Variants in C1orf21 observed in about 807,000 individuals in gnomAD.
C1orf21 encodes the protein uncharacterized protein C1orf21.
In C1orf21, 3 loss-of-function variants were observed where a neutral mutation model predicts 18.7. The ratio of observed to expected loss-of-function variants is 0.16; its 90% CI spans 0.07 to 0.42. The LOEUF (loss-of-function observed/expected upper bound fraction) is 0.42. Among genes scored for constraint, C1orf21 ranks in the 10% least tolerant of loss-of-function variants. C1orf21 has a pLI of 0.99. For missense variants in C1orf21, 104 were observed against 143.6 expected (o/e 0.72, Z 1.41); for synonymous variants, 41 against 46.4 (o/e 0.88, Z 0.47).
chr1:184,485,641 CAG>C (rs916028091), intron 2 of C1orf21, among the ~76,000 whole-genome samples: 2 of 151,916 alleles, frequency 1.3e-5, no homozygotes, highest in South Asian at 2.1e-4. Context: ...TTTTGTGTGT[CAG>C]GGGGTGATTT....
intron 2 of C1orf21, among the ~76,000 whole-genome samples, chr1:184,490,376 T>C (rs1183490148): frequency 6.6e-6 from 1 of 152,140 alleles, no homozygotes; most frequent in Non-Finnish European, 1.5e-5. Context: ...GGAAGACTTG[T>C]AAAGAGGATG....
rs1659959679 is a variant in C1orf21, at chr1:184,623,626, A to C, written c.*4070A>C. The C allele has an allele frequency of 6.6e-6, 1 of 152,464 alleles. No individual in the cohort carries two copies. The highest frequency in any genetic ancestry group is 2.4e-5 in the African/African-American group (1 of 41,436). 9.4% of individuals were successfully genotyped at this position (152,464 alleles called of 1,614,324 possible). ...ATGCCTGGACTCCAGTGTGCCTGTG[A>C]GGGGCTGGGTTAGGCAGTCGGCTGT... On this transcript the variant is annotated 3_prime_UTR_variant, in exon 6 of 6. Transcript: ENST00000235307.
chr1:184,623,913 C>T lies in C1orf21; in HGVS notation c.*4357C>T, dbSNP rs1659964406. The T allele has an allele frequency of 6.6e-6, 1 of 152,588 alleles. No homozygotes were observed. The highest frequency in any genetic ancestry group is 1.5e-5 in the Non-Finnish European group (1 of 68,044). 9.5% of individuals were successfully genotyped at this position (152,588 alleles called of 1,614,324 possible). A position where few individuals can be genotyped will look rare whatever the true frequency, so the allele number is the denominator to read the frequency against. On this transcript the variant is annotated 3_prime_UTR_variant, in exon 6 of 6. Transcript: ENST00000235307. ...GAGACTCTTGTACCTTATCTGGAAT[C>T]TAATCTTGGGAGAAGAGGAAAAAGG... is the stretch of plus-strand genomic sequence containing the variant.
intron 1 of C1orf21, among the ~76,000 whole-genome samples, chr1:184,442,390 A>G (rs940206545): frequency 2.6e-5 from 4 of 152,162 alleles, no homozygotes; most frequent in Non-Finnish European, 5.9e-5. Context: ...TATCTGCACA[A>G]TGCGGATAAT....
At chr1:184,581,806 A>G (rs1659280956) in intron 3 of C1orf21, among the ~76,000 whole-genome samples, 1 of 152,228 alleles carries the variant, frequency 6.6e-6, no homozygotes, top group African/African-American at 2.4e-5. Flanking sequence ...GAAAAATGTT[A>G]GGTGCTTTAA....
At chr1:184,610,092 G>A (rs773252585) in intron 5 of C1orf21, among the ~76,000 whole-genome samples, 4 of 152,172 alleles carry the variant, frequency 2.6e-5, no homozygotes, top group East Asian at 3.8e-4. Flanking sequence ...TCTGGGGCAG[G>A]GCAGGCAAAC....
intron 2 of C1orf21, among the ~76,000 whole-genome samples, chr1:184,477,836 A>G (rs1296325556): frequency 6.6e-6 from 1 of 152,236 alleles, no homozygotes; most frequent in Non-Finnish European, 1.5e-5. Context: ...AACATACAGT[A>G]CATTATTTTT....
intron 5 of C1orf21, among the ~76,000 whole-genome samples, chr1:184,607,695 GTATA>G (rs1222638106): frequency 6.8e-6 from 1 of 147,832 alleles, no homozygotes; most frequent in Non-Finnish European, 1.5e-5. Flanking sequence ...ATATGTGTGT[GTATA>G]TATATACACA....
chr1:184,488,648 A>G (rs775172548), intron 2 of C1orf21, among the ~76,000 whole-genome samples: 58 of 152,232 alleles, frequency 3.8e-4, no homozygotes, highest in South Asian at 2.1e-4. Context: ...TTTTCAGATT[A>G]ATCTAAAAAT....
At chr1:184,589,079 T>G (rs972697599) in intron 3 of C1orf21, among the ~76,000 whole-genome samples, 2 of 152,194 alleles carry the variant, frequency 1.3e-5, no homozygotes, top group Non-Finnish European at 2.9e-5. Flanking sequence ...CATACCACTG[T>G]ATATCCTTTG....
At chr1:184,527,334 GA>G (rs1167310919) in intron 3 of C1orf21, among the ~76,000 whole-genome samples, 1 of 152,156 alleles carries the variant, frequency 6.6e-6, no homozygotes, top group Admixed American at 6.5e-5. Flanking sequence ...TTGCTTTTGT[GA>G]AATTCATAGT....
At chr1:184,485,858 A>G (rs995527865) in intron 2 of C1orf21, among the ~76,000 whole-genome samples, 9 of 152,206 alleles carry the variant, frequency 5.9e-5, no homozygotes, top group Non-Finnish European at 1.0e-4. Flanking sequence ...AGAGAAAATC[A>G]TGTTTCCCTT....
chr1:184,465,713 C>G (rs1191175707), intron 1 of C1orf21, among the ~76,000 whole-genome samples: 1 of 152,172 alleles, frequency 6.6e-6, no homozygotes, highest in Admixed American at 6.5e-5. Flanking sequence ...CTCACAGAGA[C>G]AGACAGCTGG....
At chr1:184,539,433 A>G (rs1391235709) in intron 3 of C1orf21, among the ~76,000 whole-genome samples, 2 of 152,168 alleles carry the variant, frequency 1.3e-5, no homozygotes, top group Non-Finnish European at 2.9e-5. Context: ...TTCATAAGAA[A>G]TATTGATCTA....
At chr1:184,580,519 A>AT (rs1449773440) in intron 3 of C1orf21, among the ~76,000 whole-genome samples, 3 of 152,224 alleles carry the variant, frequency 2.0e-5, no homozygotes, top group African/African-American at 7.2e-5. Flanking sequence ...AACAAGATTG[A>AT]TTTTTCCCTT....
chr1:184,528,014 A>G (rs1414388705), intron 3 of C1orf21, among the ~76,000 whole-genome samples: 1 of 152,234 alleles, frequency 6.6e-6, no homozygotes, highest in Non-Finnish European at 1.5e-5. Flanking sequence ...TATTGTTTTG[A>G]TGATTAAACA....
intron 5 of C1orf21, among the ~76,000 whole-genome samples, chr1:184,604,608 G>A (rs1015019589): frequency 6.6e-6 from 1 of 152,122 alleles, no homozygotes; most frequent in Non-Finnish European, 1.5e-5. Flanking sequence ...CCAAATTAGA[G>A]CTATAATTAC....
chr1:184,525,108 A>G (rs1250420779), intron 3 of C1orf21, among the ~76,000 whole-genome samples: 1 of 152,020 alleles, frequency 6.6e-6, no homozygotes, highest in East Asian at 1.9e-4. Context: ...AAAAATAAAC[A>G]TACCTGCAGG....
At chr1:184,443,502 C>T (rs1490161764) in intron 1 of C1orf21, among the ~76,000 whole-genome samples, 1 of 152,144 alleles carries the variant, frequency 6.6e-6, no homozygotes, top group Non-Finnish European at 1.5e-5. Flanking sequence ...GAACATATGC[C>T]CTGTTGTGGG....
Sources: gnomAD v4.1 joint callset for allele counts (sites outside exome capture counted in the v4.1 genomes callset) on GRCh38, gnomAD v4.1.1 for gene constraint, MANE v1.5 for transcripts, NCBI Gene and HGNC (gene_info 2026-07-23, HGNC 2026-07-21) for gene names.